Variants in SLC26A5 observed in about 807,000 individuals in gnomAD.
The protein encoded by SLC26A5 is solute carrier family 26 member 5, also known as prestin.
SLC26A5 carries 51 observed loss-of-function variants against 81.0 expected under a neutral mutation model. That is an observed-to-expected ratio of 0.63 (90% confidence interval 0.50 to 0.80). The LOEUF (loss-of-function observed/expected upper bound fraction) is 0.80, where lower values mean the gene tolerates loss of function less well. Among genes scored for constraint, SLC26A5 ranks in the 30% least tolerant of loss-of-function variants. The pLI, the probability that SLC26A5 is intolerant of heterozygous loss-of-function variation, is 0.00. For synonymous variants in SLC26A5, 325 were observed against 332.8 expected (o/e 0.98, Z 0.25); for missense variants, 771 against 905.8 (o/e 0.85, Z 1.91).
intron 2 of SLC26A5, among the ~76,000 whole-genome samples, chr7:103,427,851 C>CTTTTTT (rs60928156): frequency 2.1e-5 from 3 of 143,978 alleles, no homozygotes; most frequent in Non-Finnish European, 1.5e-5. Flanking sequence ...TCTAGAGATT[C>CTTTTTT]TTTTTTTTTT....
chr7:103,403,320 G>A (rs1344132673), intron 8 of SLC26A5, among the ~76,000 whole-genome samples: 1 of 152,212 alleles, frequency 6.6e-6, no homozygotes, highest in East Asian at 1.9e-4. Flanking sequence ...TCAGAGTGAT[G>A]TGGTGCTGAG....
chr7:103,390,532 G>T, intron 11 of SLC26A5, 26 bp from the exon 12 acceptor site: 2 of 1,594,594 alleles, frequency 1.3e-6, no homozygotes, highest in Non-Finnish European at 1.7e-6. Context: ...CACATGGAAG[G>T]GGCTTTTAGG....
At chr7:103,382,969 C>G (rs1821918416) in intron 14 of SLC26A5, among the ~76,000 whole-genome samples, 1 of 152,132 alleles carries the variant, frequency 6.6e-6, no homozygotes, top group Non-Finnish European at 1.5e-5. Flanking sequence ...TGTCAAAGGA[C>G]TTTGTAAATT....
At chr7:103,421,949 T>C (rs1297551455) in intron 2 of SLC26A5, among the ~76,000 whole-genome samples, 2 of 152,224 alleles carry the variant, frequency 1.3e-5, no homozygotes, top group Non-Finnish European at 2.9e-5. Flanking sequence ...ATTGACTCAA[T>C]GTTTCTTAAA....
rs541034877 is a variant in SLC26A5, at chr7:103,376,302, C to T, written c.2041+506G>A. 2.0e-5 allele frequency among the ~76,000 whole-genome samples: 3 copies of T among 152,128 alleles called. No individual in the cohort carries two copies. The East Asian group carries it at 5.8e-4, about 29-fold the overall frequency. ...TGTTGCCCAGGCTGGTCTTGAACTC[C>T]TAGGCTCAGGCAATCCATCTGCCTT... is the stretch of plus-strand genomic sequence containing the variant. On this transcript the variant is annotated intron_variant, in intron 19 of 19. Coordinates refer to ENST00000306312, the MANE Select transcript of SLC26A5 (RefSeq NM_198999.3).
rs1823090008 is a variant in SLC26A5 at position 103,396,091 on chromosome 7, C to T, written c.971+1841G>A. On this transcript the variant is annotated intron_variant, in intron 9 of 19. Coordinates refer to ENST00000306312, the MANE Select transcript of SLC26A5 (RefSeq NM_198999.3). ...TGGAGGCTTTGAGAGGATAAGTGGC[C>T]TGCTTAAGATCACACAGCTAGTACG... Among the ~76,000 whole-genome samples the T allele has an allele frequency of 2.0e-5, 3 of 152,178 alleles. No homozygotes were observed. The South Asian group carries it at 6.2e-4, about 32-fold the overall frequency.
rs540062048 is a variant in SLC26A5 at position 103,415,527 on chromosome 7, A to G, written c.293-2415T>C. Among the ~76,000 whole-genome samples the G allele has an allele frequency of 2.0e-5, 3 of 152,316 alleles. No homozygotes were observed. In the East Asian group the frequency reaches 5.8e-4, roughly 29 times the overall value. On this transcript the variant is annotated intron_variant, in intron 4 of 19. Coordinates refer to ENST00000306312, the MANE Select transcript of SLC26A5 (RefSeq NM_198999.3). ...GAGTATTACTGGCATCTAGTGGGTG[A>G]AGGCCAGGGGTGCTGCTAAGTGCCC...
At chr7:103,435,681 G>A (rs753717451) in intron 2 of SLC26A5, among the ~76,000 whole-genome samples, 7 of 152,126 alleles carry the variant, frequency 4.6e-5, no homozygotes, top group Non-Finnish European at 1.0e-4. Flanking sequence ...CATTAATCTC[G>A]TTGCTCATGC....
At chr7:103,440,743 C>T (rs73175872) in intron 2 of SLC26A5, among the ~76,000 whole-genome samples, 11,435 of 152,224 alleles carry the variant, frequency 0.075, 541 homozygotes, top group South Asian at 0.11. Flanking sequence ...GAGGTGGGGG[C>T]TGAGCTAGTT....
rs751400995 is a variant in SLC26A5, at chr7:103,374,367, C to T, written c.*32G>A. The T allele has an allele frequency of 6.8e-6, 11 of 1,611,472 alleles. No homozygotes were observed. The South Asian group carries it at 8.8e-5, about 13-fold the overall frequency. ...TGTAAATTATGAACTTCATGAGAGGCTTATAACCCCATCCTAGGGTGAGGT... is the reference window on the plus strand; with the variant it reads ...TGTAAATTATGAACTTCATGAGAGGTTTATAACCCCATCCTAGGGTGAGGT... On this transcript the variant is annotated 3_prime_UTR_variant, in exon 20 of 20. Transcript: ENST00000306312.
chr7:103,431,881 T>G (rs1826107588), intron 2 of SLC26A5, among the ~76,000 whole-genome samples: 1 of 150,454 alleles, frequency 6.6e-6, no homozygotes, highest in African/African-American at 2.5e-5. Context: ...TTTTTTTACT[T>G]ATCAAGTTTA....
intron 9 of SLC26A5, among the ~76,000 whole-genome samples, chr7:103,393,368 T>C (rs1465726578): frequency 1.3e-5 from 2 of 152,038 alleles, no homozygotes; most frequent in Non-Finnish European, 2.9e-5. Context: ...CAAGTGTAAG[T>C]AAGACACAGA....
chr7:103,425,416 T>C (rs1825648140), intron 2 of SLC26A5, among the ~76,000 whole-genome samples: 1 of 152,220 alleles, frequency 6.6e-6, no homozygotes, highest in Admixed American at 6.5e-5. Context: ...TATAGCATCC[T>C]AAGATGATTT....
rs1821217085 is a variant in SLC26A5, at chr7:103,374,624, A to C, written c.2042-32T>G. 3 of 1,599,976 alleles carry C rather than the reference A, an allele frequency of 1.9e-6. 1 individual carries two copies. The South Asian group carries it at 3.3e-5, about 18-fold the overall frequency. Reference sequence around the variant, plus strand: ...AAAGAAGAAAAGAAAATTAGTCCACACTCTGGATATCAGTCTTCAACAATT... The same window carrying C: ...AAAGAAGAAAAGAAAATTAGTCCACCCTCTGGATATCAGTCTTCAACAATT... On this transcript the variant is annotated intron_variant, in intron 19 of 19. Transcript: ENST00000306312.
chr7:103,409,724 T>C (rs2116636862), intron 7 of SLC26A5, among the ~76,000 whole-genome samples: 1 of 152,242 alleles, frequency 6.6e-6, no homozygotes, highest in African/African-American at 2.4e-5. Context: ...TGTTTTTTTT[T>C]TGAGACAGAG....
At chr7:103,382,841 G>A (rs1821910514) in intron 14 of SLC26A5, among the ~76,000 whole-genome samples, 2 of 152,168 alleles carry the variant, frequency 1.3e-5, no homozygotes, top group Admixed American at 1.3e-4. Flanking sequence ...TTGAGGCTCA[G>A]TGGGGTTAGG....
chr7:103,404,719 T>C (rs1247846611), intron 8 of SLC26A5, among the ~76,000 whole-genome samples: 2 of 152,196 alleles, frequency 1.3e-5, no homozygotes. Flanking sequence ...TGAATTTGAC[T>C]GTTGGCCTGT....
chr7:103,412,186 TG>T (rs1824538452), intron 5 of SLC26A5, among the ~76,000 whole-genome samples: 1 of 152,206 alleles, frequency 6.6e-6, no homozygotes, highest in Non-Finnish European at 1.5e-5. Context: ...TGCTACATTT[TG>T]GGGGTATTTG....
intron 15 of SLC26A5, among the ~76,000 whole-genome samples, chr7:103,379,754 T>C (rs1273670396): frequency 6.6e-6 from 1 of 152,132 alleles, no homozygotes; most frequent in Non-Finnish European, 1.5e-5. Context: ...ACTGGTTTGA[T>C]TCACAGAAGC....
Sources: gnomAD v4.1 joint callset for allele counts (sites outside exome capture counted in the v4.1 genomes callset) on GRCh38, gnomAD v4.1.1 for gene constraint, MANE v1.5 for transcripts, NCBI Gene and HGNC (gene_info 2026-07-23, HGNC 2026-07-21) for gene names.